The following BAIAP2 variants were observed in gnomAD, a reference collection of about 807,000 sequenced individuals.
The protein encoded by BAIAP2 is BAR/IMD domain containing adaptor protein 2.
BAIAP2 carries 18 observed loss-of-function variants against 63.0 expected under a neutral mutation model. That is an observed-to-expected ratio of 0.29 (90% CI 0.20 to 0.42). The LOEUF (loss-of-function observed/expected upper bound fraction) is 0.42, where lower values mean the gene tolerates loss of function less well. Among genes scored for constraint, BAIAP2 ranks in the 10% least tolerant of loss-of-function variants. The pLI is 1.00. For missense variants in BAIAP2, 610 were observed against 734.3 expected, an observed-to-expected ratio of 0.83 and a Z score of 1.96; for synonymous variants, 386 against 307.6, an observed-to-expected ratio of 1.25 and a Z score of -2.67.
At chr17:81,055,569 G>GTT (rs1555657837) in intron 2 of BAIAP2, among the ~76,000 whole-genome samples, 2 of 94,190 alleles carry the variant, frequency 2.1e-5, no homozygotes, top group Non-Finnish European at 4.3e-5. Context: ...TCTGCAGGGT[G>GTT]TTTTGTTTTT....
chr17:81,061,373 A>C (rs1220726260), intron 3 of BAIAP2, among the ~76,000 whole-genome samples: 1 of 152,152 alleles, frequency 6.6e-6, no homozygotes, highest in Non-Finnish European at 1.5e-5. Context: ...TACACCTGTG[A>C]AGCTGTGGCC....
intron 13 of BAIAP2, among the ~76,000 whole-genome samples, chr17:81,113,177 A>G (rs898671805): frequency 1.3e-5 from 2 of 152,208 alleles, no homozygotes; most frequent in African/African-American, 4.8e-5. Flanking sequence ...TTCTGAGGCC[A>G]GCGCCCTGCC....
chr17:81,037,295 A>AG (rs1470874843), intron 1 of BAIAP2, among the ~76,000 whole-genome samples: 1 of 152,234 alleles, frequency 6.6e-6, no homozygotes, highest in Non-Finnish European at 1.5e-5. Context: ...AGGTGTCTGA[A>AG]GGGTCGATCC....
chr17:81,036,971 T>C (rs748666039), intron 1 of BAIAP2: 24 of 1,535,152 alleles, frequency 1.6e-5, no homozygotes, highest in Non-Finnish European at 2.1e-5. Context: ...GGTGAGTACA[T>C]GGAGTGGTTT....
chr17:81,075,739 T>G lies in BAIAP2; in HGVS notation c.218-9093T>G, dbSNP rs936326791. Among the ~76,000 whole-genome samples the G allele has an allele frequency of 3.9e-5, 6 of 152,160 alleles. No homozygotes were observed. The South Asian group carries it at 6.2e-4, about 16-fold the overall frequency. On this transcript the variant is annotated intron_variant, in intron 3 of 13. Coordinates refer to ENST00000428708, the MANE Select transcript of BAIAP2 (RefSeq NM_001144888.2). The stretch of plus-strand genomic sequence containing the variant: ...CCCTTCTCCCCCAGGTAGGGGCCAC[T>G]TAGAACACTATGGCAGCCTTTGGTG...
At chr17:81,090,169 T>C (rs946632063) in intron 6 of BAIAP2, among the ~76,000 whole-genome samples, 1 of 152,192 alleles carries the variant, frequency 6.6e-6, no homozygotes, top group African/African-American at 2.4e-5. Context: ...TGGATCTGGC[T>C]CTGTCCCTTA....
intron 1 of BAIAP2, chr17:81,037,041 GC>G: frequency 8.5e-7 from 1 of 1,171,096 alleles, no homozygotes; most frequent in Non-Finnish European, 1.2e-6. Flanking sequence ...CGGGCAGTAG[GC>G]CTTCACCTAG....
chr17:81,061,985 C>A (rs542679345), intron 3 of BAIAP2, among the ~76,000 whole-genome samples: 7 of 152,274 alleles, frequency 4.6e-5, no homozygotes, highest in African/African-American at 1.7e-4. Flanking sequence ...CTCTGTCACC[C>A]AGGCTGGAGT....
At chr17:81,048,937 G>C (rs967342125) in intron 1 of BAIAP2, among the ~76,000 whole-genome samples, 4 of 152,220 alleles carry the variant, frequency 2.6e-5, no homozygotes, top group Non-Finnish European at 5.9e-5. Flanking sequence ...TCCATGGCGT[G>C]TGTGGGAGCC....
chr17:81,053,514 TG>T, intron 1 of BAIAP2, 153 bp from the exon 2 acceptor site: 1 of 752,820 alleles, frequency 1.3e-6, no homozygotes, highest in Non-Finnish European at 2.3e-6. Flanking sequence ...GGGGCATGGC[TG>T]GGATTTGAAC....
At chr17:81,081,130 G>T (rs1414176493) in intron 3 of BAIAP2, among the ~76,000 whole-genome samples, 1 of 152,218 alleles carries the variant, frequency 6.6e-6, no homozygotes, top group Non-Finnish European at 1.5e-5. Context: ...CAAGGGGCCC[G>T]AGAGCTGGGA....
At chr17:81,097,846 C>T (rs1396385974) in intron 6 of BAIAP2, 14 of 338,014 alleles carry the variant, frequency 4.1e-5, no homozygotes, top group Middle Eastern at 7.4e-4. Context: ...GTCTGTGCCT[C>T]GGGTGCTCCT....
At chr17:81,099,751 A>G (rs916505707) in intron 6 of BAIAP2, among the ~76,000 whole-genome samples, 177 bp from the exon 7 acceptor site, 13 of 152,112 alleles carry the variant, frequency 8.5e-5, no homozygotes, top group Admixed American at 7.2e-4. Context: ...GTCCCGGGGT[A>G]GCTGAAGCCT....
chr17:81,060,837 A>G (rs776924313), intron 3 of BAIAP2, among the ~76,000 whole-genome samples: 1 of 151,918 alleles, frequency 6.6e-6, no homozygotes, highest in Non-Finnish European at 1.5e-5. Context: ...TCTACCTCCA[A>G]CAGGGCCGGG....
Position 81,099,911 on chromosome 17 carries a change from T to TCCCTTTCC in BAIAP2, c.490-15_490-8dup. The TCCCTTTCC allele has an allele frequency of 6.2e-7, 1 of 1,608,734 alleles. No individual in the cohort carries two copies. Among genetic ancestry groups the TCCCTTTCC allele is most frequent in the African/African-American group, 1.3e-5 (1 of 74,868 alleles). On this transcript the variant is annotated splice_polypyrimidine_tract_variant and intron_variant, in intron 6 of 13. Transcript: ENST00000428708. Reference sequence around the variant, plus strand: ...CCTTCCATCGCTGGCTGAGCCTTTCTCCCTTTCCCTCCACAGTACATCGAC... The same window carrying TCCCTTTCC: ...CCTTCCATCGCTGGCTGAGCCTTTCTCCCTTTCCCCCTTTCCCTCCACAGTACATCGAC...
Position 81,116,269 on chromosome 17 carries a change from C to T in BAIAP2, c.*430C>T, listed in dbSNP as rs200829551. 61 of 1,612,882 alleles carry T rather than the reference C, an allele frequency of 3.8e-5. No homozygotes were observed. The highest frequency in any genetic ancestry group is 2.7e-4 in the East Asian group (12 of 44,890). On this transcript the variant is annotated 3_prime_UTR_variant, in exon 14 of 14. Transcript: ENST00000428708. ...CCCAAGGGCCAGAAGGCCGGGAGCACGGGGATGGGAGCGCCCGCACCCTGG... is the reference window on the plus strand; with the variant it reads ...CCCAAGGGCCAGAAGGCCGGGAGCATGGGGATGGGAGCGCCCGCACCCTGG...
chr17:81,103,982 G>A lies in BAIAP2; in HGVS notation c.940G>A (p.Ala314Thr). The A allele has an allele frequency of 6.2e-7, 1 of 1,613,126 alleles. No individual in the cohort carries two copies. The highest frequency in any genetic ancestry group is 8.5e-7 in the Non-Finnish European group (1 of 1,180,026). ...GGATGGCGAGGACTACAGCCCGTGG[G>A]CTGACCGCAAGGCTGCCCAGCCCAA... Reference protein sequence around the residue: ...GPDGEDYSPWADRKAAQPKSL... With the variant: ...GPDGEDYSPWTDRKAAQPKSL... Residue 314 changes from alanine to threonine, a missense_variant, in exon 9 of 14, where the codon GCT (alanine) becomes ACT (threonine). By Grantham distance (58) the Ala-to-Thr change is moderately conservative. Coordinates refer to ENST00000428708, the MANE Select transcript of BAIAP2 (RefSeq NM_001144888.2).
At position 81,053,763 on chromosome 17, in the gene BAIAP2, C is replaced by T. The variant is rs1481877063; in HGVS notation, c.130+20C>T. On this transcript the variant is annotated intron_variant, in intron 2 of 13. Coordinates refer to ENST00000428708, the MANE Select transcript of BAIAP2 (RefSeq NM_001144888.2). ...TGGCAGGTGGAACTGCGCCCGGGCC[C>T]CGTGGGGTGGGAGCTGCCTCCTGAG... The T allele has an allele frequency of 1.2e-6, 2 of 1,613,088 alleles. No homozygotes were observed. The highest frequency in any genetic ancestry group is 1.7e-6 in the Non-Finnish European group (2 of 1,179,662).
At chr17:81,059,949 C>T (rs1397712506) in intron 3 of BAIAP2, among the ~76,000 whole-genome samples, 1 of 152,130 alleles carries the variant, frequency 6.6e-6, no homozygotes, top group Non-Finnish European at 1.5e-5. Context: ...TGGTTGACTG[C>T]AAGAAGGCGC....
Sources: gnomAD v4.1 joint callset for allele counts (sites outside exome capture counted in the v4.1 genomes callset) on GRCh38, gnomAD v4.1.1 for gene constraint, MANE v1.5 for transcripts, NCBI Gene and HGNC (gene_info 2026-07-23, HGNC 2026-07-21) for gene names.